The following SYT14 variants were observed in gnomAD, a reference collection of about 807,000 sequenced individuals.
SYT14 encodes synaptotagmin 14, also known as synaptotagmin-14.
Under a neutral mutation model 74.2 loss-of-function variants are expected in SYT14, and 32 were observed. The observed-to-expected ratio is 0.43, with a 90% confidence interval of 0.33 to 0.58. The LOEUF is 0.58. Ranked by LOEUF, SYT14 falls within the 20% of genes least tolerant of loss-of-function variation. The pLI, the probability that SYT14 is intolerant of heterozygous loss-of-function variation, is 0.05. For missense variants in SYT14, 791 were observed against 981.8 expected, an observed-to-expected ratio of 0.81 and a Z score of 2.60; for synonymous variants, 298 against 337.7, an observed-to-expected ratio of 0.88 and a Z score of 1.29.
intron 2 of SYT14, among the ~76,000 whole-genome samples, chr1:209,965,676 A>G (rs930697015): frequency 4.6e-5 from 7 of 152,114 alleles, no homozygotes; most frequent in East Asian, 1.9e-4. Context: ...AGTCCCATCA[A>G]CAGTCCGTAA....
intron 5 of SYT14, among the ~76,000 whole-genome samples, chr1:210,052,643 C>A (rs2081020149): frequency 9.6e-6 from 1 of 104,448 alleles, no homozygotes; most frequent in Non-Finnish European, 1.8e-5. Context: ...GCCTGGGCAG[C>A]AAGAGCGAAA....
chr1:210,084,129 C>T (rs931413075), intron 5 of SYT14, among the ~76,000 whole-genome samples: 3 of 152,142 alleles, frequency 2.0e-5, no homozygotes, highest in African/African-American at 7.2e-5. Flanking sequence ...TGCTGGGTCT[C>T]AAAGGTCAGG....
intron 1 of SYT14, among the ~76,000 whole-genome samples, chr1:209,945,082 G>C (rs186922736): frequency 6.6e-6 from 1 of 152,192 alleles, no homozygotes; most frequent in Non-Finnish European, 1.5e-5. Context: ...TTTCCTGCCA[G>C]TTGTGGACTT....
chr1:210,168,446 A>C (rs1048347802), exon 10 of SYT14: 2 of 152,228 alleles, frequency 1.3e-5, no homozygotes, highest in Non-Finnish European at 2.9e-5. Flanking sequence ...TTTTAAAAAG[A>C]AAAACCATAA....
intron 2 of SYT14, among the ~76,000 whole-genome samples, chr1:209,994,447 G>T (rs549841160): frequency 2.1e-4 from 32 of 151,960 alleles, no homozygotes; most frequent in South Asian, 2.1e-3. Flanking sequence ...GAAGAAAAAA[G>T]AATTTTTTAA....
In SYT14 at chr1:210,054,427, A is replaced by G. The variant is rs2081058163; in HGVS notation, c.1312+33173A>G. Among the ~76,000 whole-genome samples, 2 of 152,120 alleles carry G rather than the reference A, an allele frequency of 1.3e-5. 1 individual carries two copies. The highest frequency in any genetic ancestry group is 4.1e-4 in the South Asian group (2 of 4,826). ...TTTAAGTAATTGTTCCTATTTTATG[A>G]TTGTAATATCTTTTCATCACTAAGG... On this transcript the variant is annotated intron_variant, in intron 5 of 9. Coordinates refer to ENST00000637265, the Ensembl canonical transcript of SYT14.
At chr1:210,105,684 C>T (rs1431352105) in intron 7 of SYT14, among the ~76,000 whole-genome samples, 2 of 152,144 alleles carry the variant, frequency 1.3e-5, no homozygotes, top group Admixed American at 6.5e-5. Context: ...TTGAACATGT[C>T]GAAATGTAAT....
intron 5 of SYT14, among the ~76,000 whole-genome samples, chr1:210,034,360 A>G (rs993881041): frequency 6.6e-6 from 1 of 151,762 alleles, no homozygotes; most frequent in African/African-American, 2.4e-5. Context: ...GTAAATCTTT[A>G]TTGCTGCTTT....
chr1:209,967,637 T>C (rs1485593162), intron 2 of SYT14, among the ~76,000 whole-genome samples: 2 of 152,120 alleles, frequency 1.3e-5, no homozygotes, highest in Non-Finnish European at 2.9e-5. Flanking sequence ...TTAATATCTG[T>C]AGACTCAAAT....
Position 210,104,407 on chromosome 1 carries a change from A to T in SYT14, c.2034+3946A>T, listed in dbSNP as rs111925620. Among the ~76,000 whole-genome samples the T allele has an allele frequency of 8.0e-3, 1,213 of 152,336 alleles. 14 individuals are homozygous for T. The highest frequency in any genetic ancestry group is 0.028 in the African/African-American group (1,149 of 41,562). On this transcript the variant is annotated intron_variant, in intron 7 of 9. Transcript: ENST00000637265. ...TTAGCGTCTGTTGTTTTCAAATAAG[A>T]ATCGTGAAATAGCCATATGGTTTAC... is the stretch of plus-strand genomic sequence containing the variant.
intron 8 of SYT14, among the ~76,000 whole-genome samples, chr1:210,158,820 A>T (rs910632262): frequency 2.6e-5 from 4 of 152,166 alleles, no homozygotes; most frequent in Non-Finnish European, 4.4e-5. Context: ...AAACAGTTTT[A>T]TCAGTTTGTC....
At chr1:210,090,369 G>GAA (rs34812124) in intron 5 of SYT14, among the ~76,000 whole-genome samples, 5,158 of 147,598 alleles carry the variant, frequency 0.035, 299 homozygotes, top group African/African-American at 0.12. Context: ...ACAGGCACTT[G>GAA]AAAAAAAAAA....
chr1:210,006,066 A>T lies in SYT14; in HGVS notation c.-485-7567A>T, dbSNP rs569082172. ...TAGGTAACTGTTTCTCTTAGAGGGC[A>T]TTTTTTTTCCCTAAGATCTTAGTGT... On this transcript the variant is annotated intron_variant, in intron 2 of 9. Transcript: ENST00000637265. Among the ~76,000 whole-genome samples, 45 of 151,534 alleles carry T rather than the reference A, an allele frequency of 3.0e-4. No individual in the cohort carries two copies. The South Asian group carries it at 9.2e-3, about 31-fold the overall frequency.
At chr1:210,134,064 T>TTTTATTTA (rs201522718) in intron 7 of SYT14, among the ~76,000 whole-genome samples, 18 of 151,736 alleles carry the variant, frequency 1.2e-4, no homozygotes, top group Admixed American at 1.1e-3. Flanking sequence ...TGTTGTTGAT[T>TTTTATTTA]TTTATTTATT....
At chr1:210,042,801 T>G (rs2080817652) in intron 5 of SYT14, among the ~76,000 whole-genome samples, 1 of 152,164 alleles carries the variant, frequency 6.6e-6, no homozygotes, top group African/African-American at 2.4e-5. Context: ...GCCTCCAGCT[T>G]TGTTCTTTTT....
At chr1:210,144,837 A>T (rs2082996794) in intron 7 of SYT14, among the ~76,000 whole-genome samples, 1 of 152,194 alleles carries the variant, frequency 6.6e-6, no homozygotes, top group African/African-American at 2.4e-5. Context: ...GGAATAACTG[A>T]TTCTAACACT....
chr1:210,121,602 G>A (rs963450263), intron 7 of SYT14, among the ~76,000 whole-genome samples: 16 of 151,994 alleles, frequency 1.1e-4, no homozygotes, highest in Admixed American at 6.6e-4. Context: ...AGACCATCCT[G>A]GCTAACATGG....
chr1:209,957,313 G>A (rs2079009052), intron 2 of SYT14, among the ~76,000 whole-genome samples: 1 of 152,106 alleles, frequency 6.6e-6, no homozygotes, highest in Admixed American at 6.5e-5. Flanking sequence ...GTGGGAGCAC[G>A]AGAGATTGCA....
chr1:209,953,340 A>G (rs991526469), intron 2 of SYT14: 4 of 905,890 alleles, frequency 4.4e-6, no homozygotes, highest in African/African-American at 1.7e-5. Context: ...GGGAGTCCCC[A>G]CAACTCCTTA....
Sources: gnomAD v4.1 joint callset for allele counts (sites outside exome capture counted in the v4.1 genomes callset) on GRCh38, gnomAD v4.1.1 for gene constraint, MANE v1.5 for transcripts, NCBI Gene and HGNC (gene_info 2026-07-23, HGNC 2026-07-21) for gene names.